TMEM132D: variants seen among roughly 807,000 people sequenced by gnomAD.
TMEM132D encodes mature OL transmembrane protein.
A neutral mutation model predicts 62.3 loss-of-function variants in TMEM132D; 21 were observed. That is an observed-to-expected ratio of 0.34 (90% CI 0.24 to 0.49). The LOEUF (loss-of-function observed/expected upper bound fraction) is 0.49. Among genes scored for constraint, TMEM132D ranks in the 20% least tolerant of loss-of-function variants. The pLI is 0.99. For missense variants in TMEM132D, 1,346 were observed against 1,402.8 expected (o/e 0.96, Z 0.65); for synonymous variants, 621 against 575.6 (o/e 1.08, Z -1.13).
chr12:129,563,706 G>A (rs754740441), intron 2 of TMEM132D, among the ~76,000 whole-genome samples: 15 of 152,164 alleles, frequency 9.9e-5, no homozygotes, highest in Non-Finnish European at 1.9e-4. Context: ...GAAGATCTGG[G>A]ATTGTGGGGA....
chr12:129,302,566 A>T (rs949914586), intron 4 of TMEM132D, among the ~76,000 whole-genome samples: 9 of 152,348 alleles, frequency 5.9e-5, no homozygotes, highest in Middle Eastern at 3.4e-3. Flanking sequence ...TCTGTGGGTC[A>T]GCTGGGCTTA....
chr12:129,802,794 A>G (rs1455249103), intron 1 of TMEM132D, among the ~76,000 whole-genome samples: 1 of 151,516 alleles, frequency 6.6e-6, no homozygotes, highest in African/African-American at 2.4e-5. Flanking sequence ...CAGGAAACCC[A>G]TCTCACGTGC....
At chr12:129,677,977 T>C (rs1027073270) in intron 2 of TMEM132D, among the ~76,000 whole-genome samples, 2 of 152,220 alleles carry the variant, frequency 1.3e-5, no homozygotes, top group African/African-American at 4.8e-5. Flanking sequence ...ATACAGAGAT[T>C]GCTCATTGAT....
At chr12:129,747,215 T>TCTC (rs1555229164) in intron 1 of TMEM132D, among the ~76,000 whole-genome samples, 2 of 26,172 alleles carry the variant, frequency 7.6e-5, no homozygotes, top group Admixed American at 4.2e-4. Context: ...TACTCCTCCT[T>TCTC]CCAGCCACCC....
chr12:129,877,628 C>G (rs867945141), intron 1 of TMEM132D, among the ~76,000 whole-genome samples: 1,720 of 146,814 alleles, frequency 0.012, 31 homozygotes, highest in African/African-American at 0.041. Flanking sequence ...CACACACACA[C>G]AGAGAGAGAG....
intron 2 of TMEM132D, among the ~76,000 whole-genome samples, chr12:129,579,540 C>G (rs918410493): frequency 6.6e-6 from 1 of 152,144 alleles, no homozygotes. Flanking sequence ...GCCTGAGAGC[C>G]CCTGGCAAAC....
intron 2 of TMEM132D, among the ~76,000 whole-genome samples, chr12:129,610,434 G>A (rs1429369991): frequency 6.6e-6 from 1 of 152,162 alleles, no homozygotes; most frequent in Non-Finnish European, 1.5e-5. Context: ...ATATATTAAA[G>A]AGTCAATTTC....
chr12:129,360,017 A>C (rs1264472752), intron 3 of TMEM132D, among the ~76,000 whole-genome samples: 1 of 151,644 alleles, frequency 6.6e-6, no homozygotes, highest in African/African-American at 2.4e-5. Flanking sequence ...AAAAAACCCC[A>C]TTTTTTTCAG....
intron 3 of TMEM132D, among the ~76,000 whole-genome samples, chr12:129,491,857 A>C (rs1874805150): frequency 6.6e-6 from 1 of 152,094 alleles, no homozygotes; most frequent in Admixed American, 6.5e-5. Context: ...CAGGAGAATC[A>C]CTTGAACTCA....
At chr12:129,389,475 C>T (rs1871237111) in intron 3 of TMEM132D, among the ~76,000 whole-genome samples, 1 of 151,988 alleles carries the variant, frequency 6.6e-6, no homozygotes, top group African/African-American at 2.4e-5. Flanking sequence ...ACTGCCAACA[C>T]CAACACTAAC....
chr12:129,499,168 T>C (rs1875050023), intron 3 of TMEM132D, among the ~76,000 whole-genome samples: 1 of 152,126 alleles, frequency 6.6e-6, no homozygotes. Context: ...CAGACAATAC[T>C]GAAAAACAAA....
In TMEM132D at chr12:129,277,193, CT is replaced by C. The variant is rs1381185898; in HGVS notation, c.1299+60440del. Among the ~76,000 whole-genome samples the C allele has an allele frequency of 3.9e-5, 6 of 152,120 alleles. No individual in the cohort carries two copies. Among genetic ancestry groups the C allele is most frequent in the African/African-American group, 1.4e-4 (6 of 41,416 alleles). The stretch of plus-strand genomic sequence containing the variant: ...ACAAAAACTATGGAAACAAGCCTGG[CT>C]TTTTCCTTTTCTTTTATTTTTTCTC... On this transcript the variant is annotated intron_variant, in intron 4 of 8. Transcript: ENST00000422113. The surrounding 1 kb of genome is among the most constrained non-coding windows in gnomAD (Gnocchi z 4.2).
At chr12:129,348,794 C>T (rs1869772137) in intron 3 of TMEM132D, among the ~76,000 whole-genome samples, 1 of 152,200 alleles carries the variant, frequency 6.6e-6, no homozygotes, top group African/African-American at 2.4e-5. Context: ...GCCATTGGCA[C>T]CTGAACCAAT....
At chr12:129,171,580 T>C (rs1056491331) in intron 5 of TMEM132D, among the ~76,000 whole-genome samples, 1 of 152,242 alleles carries the variant, frequency 6.6e-6, no homozygotes, top group East Asian at 1.9e-4. Flanking sequence ...ATTTCTTAAG[T>C]AGTAACACTT....
At chr12:129,665,429 C>G (rs1464659048) in intron 2 of TMEM132D, among the ~76,000 whole-genome samples, 1 of 151,880 alleles carries the variant, frequency 6.6e-6, no homozygotes, top group African/African-American at 2.4e-5. Flanking sequence ...AGGAAATGAG[C>G]GCGTGGGCAA....
At chr12:129,670,263 A>T (rs1336045748) in intron 2 of TMEM132D, among the ~76,000 whole-genome samples, 1 of 152,192 alleles carries the variant, frequency 6.6e-6, no homozygotes, top group Non-Finnish European at 1.5e-5. Flanking sequence ...TCCTTTCCCA[A>T]AGCAGACCTC....
intron 1 of TMEM132D, among the ~76,000 whole-genome samples, chr12:129,883,842 G>A (rs1874676375): frequency 6.6e-6 from 1 of 152,106 alleles, no homozygotes; most frequent in Non-Finnish European, 1.5e-5. Flanking sequence ...ATACTCAAAT[G>A]CAATAAAAGT....
intron 5 of TMEM132D, among the ~76,000 whole-genome samples, chr12:129,172,557 G>A (rs1471787836): frequency 6.6e-6 from 1 of 152,166 alleles, no homozygotes; most frequent in Non-Finnish European, 1.5e-5. Context: ...AACACTTAGA[G>A]GCCACTGTAT....
chr12:129,391,516 G>C (rs1275766677), intron 3 of TMEM132D, among the ~76,000 whole-genome samples: 3 of 152,210 alleles, frequency 2.0e-5, no homozygotes, highest in Non-Finnish European at 4.4e-5. Context: ...AGGTTCTCCT[G>C]CACGGGCGGT....
Sources: gnomAD v4.1 joint callset for allele counts (sites outside exome capture counted in the v4.1 genomes callset) on GRCh38, gnomAD v4.1.1 for gene constraint, Gnocchi (gnomAD v3.1) non-coding constraint, MANE v1.5 for transcripts, NCBI Gene and HGNC (gene_info 2026-07-23, HGNC 2026-07-21) for gene names.